Variants in NFATC3 observed in about 807,000 individuals in gnomAD.
NFATC3 encodes nuclear factor of activated T cells 3, also known as nuclear factor of activated T-cells, cytoplasmic 3.
In NFATC3, 46 loss-of-function variants were observed where a neutral mutation model predicts 98.6. The ratio of observed to expected loss-of-function variants is 0.47; its 90% CI spans 0.37 to 0.60. The LOEUF (loss-of-function observed/expected upper bound fraction) is 0.60, where lower values mean the gene tolerates loss of function less well. Ranked by LOEUF, NFATC3 falls within the 20% of genes least tolerant of loss-of-function variation. NFATC3 has a pLI of 0.00. For synonymous variants in NFATC3, 512 were observed against 472.2 expected (o/e 1.08, Z -1.09); for missense variants, 1,256 against 1,295.5 (o/e 0.97, Z 0.47).
intron 3 of NFATC3, 105 bp from the exon 4 acceptor site, chr16:68,157,764 T>G (rs1598465186): frequency 1.3e-6 from 1 of 784,440 alleles, no homozygotes; most frequent in East Asian, 3.1e-5. Flanking sequence ...ACATTTTGTG[T>G]GTCAATAGTA....
At chr16:68,116,250 A>G (rs1372584227) in intron 1 of NFATC3, among the ~76,000 whole-genome samples, 1 of 151,996 alleles carries the variant, frequency 6.6e-6, no homozygotes, top group Non-Finnish European at 1.5e-5. Flanking sequence ...ATAGAAAGAC[A>G]AACTATTATC....
chr16:68,217,524 C>CTT (rs1026993349), intron 9 of NFATC3, among the ~76,000 whole-genome samples: 14 of 146,970 alleles, frequency 9.5e-5, no homozygotes, highest in African/African-American at 3.2e-4. Flanking sequence ...GGTTTTCTTG[C>CTT]TTACAGTACT....
intron 9 of NFATC3, chr16:68,218,142 T>C: frequency 1.7e-6 from 1 of 585,282 alleles, no homozygotes; most frequent in Non-Finnish European, 2.2e-6. Context: ...GCTTACTGCA[T>C]CCTGGAACTC....
chr16:68,198,097 A>C (rs2040749509), intron 9 of NFATC3, among the ~76,000 whole-genome samples: 1 of 152,210 alleles, frequency 6.6e-6, no homozygotes, highest in African/African-American at 2.4e-5. Flanking sequence ...AGGCAGGCAG[A>C]TCACTTGAGC....
At chr16:68,202,960 T>C (rs1468051260) in intron 9 of NFATC3, among the ~76,000 whole-genome samples, 1 of 152,196 alleles carries the variant, frequency 6.6e-6, no homozygotes, top group Non-Finnish European at 1.5e-5. Flanking sequence ...AAATTTCTCT[T>C]TTAACTTGGA....
intron 1 of NFATC3, among the ~76,000 whole-genome samples, chr16:68,101,504 G>C (rs1404154515): frequency 6.9e-6 from 1 of 145,838 alleles, no homozygotes; most frequent in Non-Finnish European, 1.5e-5. Flanking sequence ...TTTTTTTTGA[G>C]ACGGAGTCTC....
rs144334868 is a variant in NFATC3, at chr16:68,173,292, C to T, written c.1775-1082C>T. 5.0e-3 allele frequency among the ~76,000 whole-genome samples: 766 copies of T among 151,874 alleles called. 8 individuals carry two copies. Among genetic ancestry groups the T allele is most frequent in the African/African-American group, 0.017 (697 of 41,424 alleles). ...AAAAAAAATAAAAATATAGGCCGGG[C>T]GCGGTGGCTCACACCTGTAATCCCA... On this transcript the variant is annotated intron_variant, in intron 5 of 9. Transcript: ENST00000346183.
chr16:68,205,389 A>G (rs2041104348), intron 9 of NFATC3, among the ~76,000 whole-genome samples: 1 of 152,088 alleles, frequency 6.6e-6, no homozygotes, highest in African/African-American at 2.4e-5. Context: ...AGCTGGGGCT[A>G]CAGGTGCCTG....
chr16:68,175,368 A>G (rs189289388), intron 6 of NFATC3, among the ~76,000 whole-genome samples: 38 of 152,288 alleles, frequency 2.5e-4, no homozygotes, highest in Non-Finnish European at 3.4e-4. Context: ...TGCTCTGTGA[A>G]TATCCCCCAA....
Position 68,229,055 on chromosome 16 carries a change from G to T in NFATC3, c.*2584G>T, listed in dbSNP as rs11043. On this transcript the variant is annotated 3_prime_UTR_variant, in exon 10 of 10. Coordinates refer to ENST00000346183, the MANE Select transcript of NFATC3 (RefSeq NM_173165.3). ...AGATGGGCTCAAATTGAAACCTTGT[G>T]TTTTATAAAATGGATGTTTAGTAAA... 35 of 152,176 alleles carry T rather than the reference G, an allele frequency of 2.3e-4. 2 individuals are homozygous for T. The highest frequency in any genetic ancestry group is 6.8e-3 in the Middle Eastern group (2 of 294). 9.4% of individuals were successfully genotyped at this position (152,176 alleles called of 1,614,324 possible).
At chr16:68,221,146 A>G in intron 9 of NFATC3, 1 of 1,591,570 alleles carries the variant, frequency 6.3e-7, no homozygotes, top group Non-Finnish European at 8.6e-7. Flanking sequence ...ACAACTTAAA[A>G]ATTGTGCTTA....
At chr16:68,201,149 A>C (rs9746872) in intron 9 of NFATC3, among the ~76,000 whole-genome samples, 33,795 of 151,898 alleles carry the variant, frequency 0.22, 4,135 homozygotes, top group African/African-American at 0.31. Context: ...CCAGGCTGGT[A>C]TTGAACTCCT....
intron 1 of NFATC3, among the ~76,000 whole-genome samples, chr16:68,101,490 G>GA (rs2035354430): frequency 7.9e-6 from 1 of 126,640 alleles, no homozygotes. Context: ...TTTTTTTTTT[G>GA]TTTTTTTTTT....
At chr16:68,194,793 G>A (rs941743241) in intron 9 of NFATC3, among the ~76,000 whole-genome samples, 3 of 152,028 alleles carry the variant, frequency 2.0e-5, no homozygotes, top group African/African-American at 7.2e-5. Context: ...GTAGAGGGTC[G>A]GATAGGCAAC....
At chr16:68,155,109 T>G (rs1371963718) in intron 3 of NFATC3, among the ~76,000 whole-genome samples, 4 of 152,214 alleles carry the variant, frequency 2.6e-5, no homozygotes, top group Non-Finnish European at 5.9e-5. Flanking sequence ...TCTTAATGTC[T>G]TCTTCTGGGT....
chr16:68,160,758 C>G (rs1481253925), intron 4 of NFATC3, among the ~76,000 whole-genome samples: 1 of 151,866 alleles, frequency 6.6e-6, no homozygotes, highest in African/African-American at 2.4e-5. Context: ...CATCTTAGCT[C>G]ACTACAACCT....
At chr16:68,151,622 G>A (rs374619606) in intron 3 of NFATC3, among the ~76,000 whole-genome samples, 1 of 152,152 alleles carries the variant, frequency 6.6e-6, no homozygotes, top group Non-Finnish European at 1.5e-5. Flanking sequence ...CATGTATTGA[G>A]ATAAAGTTGA....
intron 8 of NFATC3, among the ~76,000 whole-genome samples, chr16:68,183,630 C>T (rs2040038297): frequency 6.6e-6 from 1 of 151,976 alleles, no homozygotes; most frequent in Admixed American, 6.6e-5. Flanking sequence ...CAAAAATTCC[C>T]AGCATTACAG....
At chr16:68,175,287 G>T (rs1448780167) in intron 6 of NFATC3, among the ~76,000 whole-genome samples, 2 of 152,202 alleles carry the variant, frequency 1.3e-5, no homozygotes, top group African/African-American at 4.8e-5. Flanking sequence ...GTGAGTGACT[G>T]CTGATGGGAA....
Sources: allele counts gnomAD v4.1 joint callset (sites outside exome capture counted in the v4.1 genomes callset), GRCh38; gene constraint gnomAD v4.1.1; transcripts MANE v1.5; gene names NCBI Gene and HGNC (gene_info 2026-07-23, HGNC 2026-07-21).